IRAK2: variants seen among roughly 807,000 people sequenced by gnomAD.
IRAK2 encodes the protein interleukin-1 receptor-associated kinase-like 2.
Under a neutral mutation model 72.0 loss-of-function variants are expected in IRAK2, and 57 were observed. The ratio of observed to expected loss-of-function variants is 0.79; its 90% confidence interval spans 0.64 to 0.99. The LOEUF (loss-of-function observed/expected upper bound fraction) is 0.99, where lower values mean the gene tolerates loss of function less well. Among genes scored for constraint, IRAK2 ranks in the 50% least tolerant of loss-of-function variants. The pLI is 0.00. For synonymous variants in IRAK2, 293 were observed against 312.7 expected (o/e 0.94, Z 0.67); for missense variants, 790 against 794.4 (o/e 0.99, Z 0.07).
intron 2 of IRAK2, among the ~76,000 whole-genome samples, chr3:10,197,384 CA>C (rs992602301): frequency 2.6e-3 from 298 of 114,164 alleles, no homozygotes; most frequent in Middle Eastern, 4.5e-3. Context: ...GACTCTGTCT[CA>C]AAAAAAAAAA....
chr3:10,195,344 C>T (rs977359671), intron 2 of IRAK2, among the ~76,000 whole-genome samples: 1 of 152,098 alleles, frequency 6.6e-6, no homozygotes, highest in Non-Finnish European at 1.5e-5. Flanking sequence ...ATCACTGGGG[C>T]CTAGGAGTTT....
intron 2 of IRAK2, among the ~76,000 whole-genome samples, chr3:10,184,809 A>G (rs377371744): frequency 6.9e-6 from 1 of 143,962 alleles, no homozygotes; most frequent in South Asian, 2.2e-4. Flanking sequence ...GGCTCACTGC[A>G]AGCTCCGCCT....
Position 10,186,783 on chromosome 3 carries a change from C to CTTTT in IRAK2, c.277+8781_277+8784dup, listed in dbSNP as rs4020034. Among the ~76,000 whole-genome samples the CTTTT allele has an allele frequency of 6.4e-4, 80 of 124,702 alleles. 2 individuals are homozygous for CTTTT. Among genetic ancestry groups the CTTTT allele is most frequent in the African/African-American group, 2.0e-3 (61 of 30,486 alleles). 81.8% of individuals were successfully genotyped at this position (124,702 alleles called of 152,430 possible). ...GCTGGGTCTTTGTTTTCTTTCTTTC[C>CTTTT]TTTTTTTTTTTTTTTTTTTTTAAAT... On this transcript the variant is annotated intron_variant, in intron 2 of 12. Coordinates refer to ENST00000256458, the MANE Select transcript of IRAK2 (RefSeq NM_001570.4).
At chr3:10,185,603 G>A (rs1211975667) in intron 2 of IRAK2, among the ~76,000 whole-genome samples, 6 of 149,870 alleles carry the variant, frequency 4.0e-5, no homozygotes, top group East Asian at 1.9e-4. Flanking sequence ...GGCTGGGCGC[G>A]GTGGCTCACA....
intron 8 of IRAK2, among the ~76,000 whole-genome samples, 160 bp from the exon 9 acceptor site, chr3:10,222,476 C>T (rs1697711792): frequency 6.6e-6 from 1 of 152,178 alleles, no homozygotes; most frequent in African/African-American, 2.4e-5. Context: ...GCCCTCTCTT[C>T]CCCAGTCAGG....
At chr3:10,193,858 T>C (rs1697221981) in intron 2 of IRAK2, among the ~76,000 whole-genome samples, 1 of 152,238 alleles carries the variant, frequency 6.6e-6, no homozygotes, top group Non-Finnish European at 1.5e-5. Flanking sequence ...GCTCCTATGT[T>C]ACTTTGCTCT....
chr3:10,192,501 A>G (rs772874460), intron 2 of IRAK2, among the ~76,000 whole-genome samples: 2 of 152,236 alleles, frequency 1.3e-5, no homozygotes, highest in Non-Finnish European at 2.9e-5. Flanking sequence ...CAAGCACATA[A>G]TAAATAAATC....
At chr3:10,219,325 T>C (rs1431490761) in intron 7 of IRAK2, among the ~76,000 whole-genome samples, 1 of 118,676 alleles carries the variant, frequency 8.4e-6, no homozygotes, top group Non-Finnish European at 1.8e-5. Flanking sequence ...GTTTTTGTTT[T>C]TGTTTTTTTT....
At chr3:10,219,528 C>T (rs1472695338) in intron 7 of IRAK2, 152 bp from the exon 8 acceptor site, 7 of 605,282 alleles carry the variant, frequency 1.2e-5, no homozygotes, top group Non-Finnish European at 2.1e-5. Flanking sequence ...CCGTGTTAGC[C>T]AGGATGGTCT....
chr3:10,219,519 C>T (rs960714876), intron 7 of IRAK2, among the ~76,000 whole-genome samples, 161 bp from the exon 8 acceptor site: 15 of 152,016 alleles, frequency 9.9e-5, no homozygotes, highest in Admixed American at 2.0e-4. Flanking sequence ...GGGGTTTCAC[C>T]GTGTTAGCCA....
rs775766758 is a variant in IRAK2 at position 10,239,063 on chromosome 3, T to G, written c.1765+24T>G. On this transcript the variant is annotated intron_variant, in intron 12 of 12. Coordinates refer to ENST00000256458, the MANE Select transcript of IRAK2 (RefSeq NM_001570.4). Reference sequence around the variant, plus strand: ...TGGTAAGCCGGAAGTCAGAGTGCATTTGGATGCTCATGTGTGTGTCCCCAA... The same window carrying G: ...TGGTAAGCCGGAAGTCAGAGTGCATGTGGATGCTCATGTGTGTGTCCCCAA... 2.6e-6 allele frequency: 4 copies of G among 1,555,472 alleles called. No individual in the cohort carries two copies. The African/African-American group carries it at 5.5e-5, about 21-fold the overall frequency.
At chr3:10,184,324 A>C (rs1697009358) in intron 2 of IRAK2, among the ~76,000 whole-genome samples, 1 of 152,184 alleles carries the variant, frequency 6.6e-6, no homozygotes, top group Non-Finnish European at 1.5e-5. Context: ...TCAGTATTGG[A>C]GGGACCATTA....
intron 2 of IRAK2, among the ~76,000 whole-genome samples, chr3:10,186,565 A>G (rs1156416212): frequency 6.6e-6 from 1 of 151,480 alleles, no homozygotes; most frequent in Admixed American, 6.6e-5. Flanking sequence ...CAGGACTCTT[A>G]ATTTGACTTT....
At chr3:10,206,012 C>T (rs1697428461) in intron 3 of IRAK2, among the ~76,000 whole-genome samples, 1 of 152,140 alleles carries the variant, frequency 6.6e-6, no homozygotes, top group Non-Finnish European at 1.5e-5. Context: ...AGTCCAGGTC[C>T]TTGGTGAGAG....
At chr3:10,233,790 G>A (rs11465925) in intron 10 of IRAK2, among the ~76,000 whole-genome samples, 10,095 of 152,246 alleles carry the variant, frequency 0.066, 510 homozygotes, top group East Asian at 0.21. Context: ...CGTGTCAGAT[G>A]TCACTCTCTG....
chr3:10,222,722 A>G lies in IRAK2; in HGVS notation c.1100A>G (p.Tyr367Cys). 1 of 1,614,204 alleles carries G rather than the reference A, an allele frequency of 6.2e-7. No individual in the cohort carries two copies. Among genetic ancestry groups the G allele is most frequent in the Non-Finnish European group, 8.5e-7 (1 of 1,180,030 alleles). The change falls in exon 9 of 13, where the codon TAC becomes TGC. Residue 367 changes from tyrosine to cysteine, a missense_variant. Transcript: ENST00000256458. Reference protein sequence around the residue: ...HLCPVNKRSKYTMMKTHLLRT... With the variant: ...HLCPVNKRSKCTMMKTHLLRT... ...TGTCCTGTCAACAAAAGGTCAAAAT[A>G]CACCATGATGAAGACTCACCTGCTC...
rs910695577 is a variant in IRAK2, at chr3:10,177,836, A to T, written c.95-2A>T. 6 of 1,611,942 alleles carry T rather than the reference A, an allele frequency of 3.7e-6. No homozygotes were observed. The highest frequency in any genetic ancestry group is 5.1e-6 in the Non-Finnish European group (6 of 1,179,980). ...AAGCAGAGTTCTCTCCGTCCCTTCC[A>T]GCCTCCTACGTGATCACAGACCTGA... On this transcript the variant is annotated splice_acceptor_variant, in intron 1 of 12. Transcript: ENST00000256458. LOFTEE classifies it high-confidence loss of function.
At chr3:10,218,441 AAAAAC>A (rs1559450035) in intron 7 of IRAK2, among the ~76,000 whole-genome samples, 1 of 138,740 alleles carries the variant, frequency 7.2e-6, no homozygotes, top group Non-Finnish European at 1.6e-5. Flanking sequence ...AAAAAAAAAA[AAAAAC>A]CAAAACGGTG....
intron 11 of IRAK2, 117 bp downstream of exon 11, chr3:10,234,776 G>A: frequency 6.7e-6 from 6 of 891,986 alleles, no homozygotes; most frequent in South Asian, 3.2e-5. Flanking sequence ...CTTGCAAGCC[G>A]CAGAACCTCC....
Sources: gnomAD v4.1 joint callset for allele counts (sites outside exome capture counted in the v4.1 genomes callset) on GRCh38, gnomAD v4.1.1 for gene constraint, MANE v1.5 for transcripts, NCBI Gene and HGNC (gene_info 2026-07-23, HGNC 2026-07-21) for gene names.